Variants in FAT3 observed in about 807,000 individuals in gnomAD.
FAT3 encodes the protein protocadherin Fat 3.
A neutral mutation model predicts 310.2 loss-of-function variants in FAT3; 95 were observed. The observed-to-expected ratio is 0.31, with a 90% CI of 0.26 to 0.36. FAT3 has a LOEUF of 0.36. FAT3 is among the 10% of genes least tolerant of loss of function. The pLI is 1.00. For missense variants in FAT3, 5,408 were observed against 5,715.6 expected (o/e 0.95, Z 1.74); for synonymous variants, 2,314 against 2,192.9 (o/e 1.06, Z -1.54).
chr11:92,598,310 T>A (rs1939829146), intron 3 of FAT3, among the ~76,000 whole-genome samples: 1 of 151,140 alleles, frequency 6.6e-6, no homozygotes, highest in Admixed American at 6.6e-5. Flanking sequence ...TATTTCAGCC[T>A]TGTATCCTGG....
At chr11:92,655,179 C>T (rs560230394) in intron 3 of FAT3, among the ~76,000 whole-genome samples, 1 of 152,134 alleles carries the variant, frequency 6.6e-6, no homozygotes, top group South Asian at 2.1e-4. Context: ...CATTCTCCTT[C>T]TGGCCTGTAT....
At position 92,657,468 on chromosome 11, in the gene FAT3, G is replaced by C. The variant is rs115386978; in HGVS notation, c.3608-39916G>C. Among the ~76,000 whole-genome samples, 240 of 152,360 alleles carry C rather than the reference G, an allele frequency of 1.6e-3. 1 individual carries two copies. The highest frequency in any genetic ancestry group is 5.3e-3 in the African/African-American group (221 of 41,582). On this transcript the variant is annotated intron_variant, in intron 3 of 27. Coordinates refer to ENST00000525166, the MANE Select transcript of FAT3 (RefSeq NM_001367949.2). ...CAGCCCCGGACTCTGAGGTAGCCAAGTTTATGTGAGGGCTGTGAAATTAAC... is the reference window on the plus strand; with the variant it reads ...CAGCCCCGGACTCTGAGGTAGCCAACTTTATGTGAGGGCTGTGAAATTAAC...
At chr11:92,832,933 G>C (rs1948305580) in intron 14 of FAT3, among the ~76,000 whole-genome samples, 1 of 152,084 alleles carries the variant, frequency 6.6e-6, no homozygotes, top group African/African-American at 2.4e-5. Flanking sequence ...CACAATTCAT[G>C]GTCAGAACAC....
chr11:92,817,814 C>T (rs1324395269), intron 13 of FAT3, among the ~76,000 whole-genome samples: 1 of 152,208 alleles, frequency 6.6e-6, no homozygotes, highest in East Asian at 1.9e-4. Flanking sequence ...AAACCACCTT[C>T]AGTGAATCTC....
At chr11:92,534,454 T>G (rs1386686002) in intron 3 of FAT3, among the ~76,000 whole-genome samples, 1 of 152,186 alleles carries the variant, frequency 6.6e-6, no homozygotes, top group African/African-American at 2.4e-5. Context: ...ATCCTAGAAC[T>G]TTGTGGGGAA....
intron 7 of FAT3, among the ~76,000 whole-genome samples, chr11:92,788,817 C>G (rs1298161311): frequency 6.6e-6 from 1 of 152,102 alleles, no homozygotes; most frequent in Admixed American, 6.5e-5. Flanking sequence ...ACTGTGGAAA[C>G]TAAACAGAAA....
intron 1 of FAT3, among the ~76,000 whole-genome samples, chr11:92,267,200 A>G (rs1945988117): frequency 6.6e-6 from 1 of 152,292 alleles, no homozygotes; most frequent in South Asian, 2.1e-4. Flanking sequence ...CAAGACAGAA[A>G]AAAATGGGGG....
intron 1 of FAT3, among the ~76,000 whole-genome samples, chr11:92,319,802 T>C (rs1227740039): frequency 6.6e-6 from 1 of 152,188 alleles, no homozygotes; most frequent in African/African-American, 2.4e-5. Flanking sequence ...TCTAATCAAG[T>C]ATATATAAAA....
intron 2 of FAT3, among the ~76,000 whole-genome samples, chr11:92,397,898 T>C (rs1949912967): frequency 6.6e-6 from 1 of 152,098 alleles, no homozygotes; most frequent in South Asian, 2.1e-4. Flanking sequence ...GAGTTTACAT[T>C]ATGACCCATA....
intron 1 of FAT3, among the ~76,000 whole-genome samples, chr11:92,330,318 C>G (rs1947881518): frequency 6.6e-6 from 1 of 152,232 alleles, no homozygotes; most frequent in African/African-American, 2.4e-5. Flanking sequence ...CCCTATCCCC[C>G]TCTCTGCTTT....
At chr11:92,769,674 T>C (rs1334321552) in intron 6 of FAT3, among the ~76,000 whole-genome samples, 2 of 151,636 alleles carry the variant, frequency 1.3e-5, no homozygotes, top group African/African-American at 2.4e-5. Flanking sequence ...TAAAATATCT[T>C]TCTTTATCTC....
At chr11:92,763,160 A>G (rs1166548002) in intron 5 of FAT3, among the ~76,000 whole-genome samples, 2 of 147,286 alleles carry the variant, frequency 1.4e-5, no homozygotes, top group East Asian at 2.0e-4. Context: ...CTCTGTCTCA[A>G]AAAAAAAAAA....
chr11:92,509,362 C>A (rs1328003305), intron 2 of FAT3, among the ~76,000 whole-genome samples: 1 of 151,932 alleles, frequency 6.6e-6, no homozygotes, highest in Non-Finnish European at 1.5e-5. Context: ...TGAACTTATC[C>A]TAAAGAGTAA....
At chr11:92,565,060 G>A (rs1317374044) in intron 3 of FAT3, among the ~76,000 whole-genome samples, 2 of 144,502 alleles carry the variant, frequency 1.4e-5, no homozygotes, top group African/African-American at 2.5e-5. Context: ...AGGAAATAGA[G>A]ACACAATAAA....
intron 4 of FAT3, among the ~76,000 whole-genome samples, chr11:92,745,180 T>A (rs1205799996): frequency 6.6e-6 from 1 of 152,204 alleles, no homozygotes; most frequent in Non-Finnish European, 1.5e-5. Context: ...AAGCTACCAA[T>A]ATATACTTTC....
intron 12 of FAT3, among the ~76,000 whole-genome samples, chr11:92,808,357 G>A (rs908631073): frequency 1.3e-5 from 2 of 152,180 alleles, no homozygotes; most frequent in South Asian, 2.1e-4. Flanking sequence ...CTGCTTAAAG[G>A]AAGAACTAGC....
intron 1 of FAT3, among the ~76,000 whole-genome samples, chr11:92,276,106 T>G (rs1003749112): frequency 6.6e-5 from 10 of 152,192 alleles, no homozygotes; most frequent in African/African-American, 2.4e-4. Flanking sequence ...TGCTTGAATT[T>G]GCATGGGCAA....
At chr11:92,721,672 G>C (rs972015303) in intron 4 of FAT3, among the ~76,000 whole-genome samples, 1 of 152,072 alleles carries the variant, frequency 6.6e-6, no homozygotes, top group Non-Finnish European at 1.5e-5. Context: ...CATGCCAATT[G>C]TATTAAGTCC....
At chr11:92,366,410 G>A (rs1949023423) in intron 2 of FAT3, 1 of 322,002 alleles carries the variant, frequency 3.1e-6, no homozygotes, top group South Asian at 2.7e-5. Context: ...GATGTGGTCA[G>A]TGTGACATGT....
Sources: gnomAD v4.1 joint callset for allele counts (sites outside exome capture counted in the v4.1 genomes callset) on GRCh38, gnomAD v4.1.1 for gene constraint, MANE v1.5 for transcripts, NCBI Gene and HGNC (gene_info 2026-07-23, HGNC 2026-07-21) for gene names.